PCK2: variants seen among roughly 807,000 people sequenced by gnomAD.
The protein encoded by PCK2 is phosphoenolpyruvate carboxykinase [GTP], mitochondrial.
PCK2 carries 56 observed loss-of-function variants against 65.9 expected under a neutral mutation model. The ratio of observed to expected loss-of-function variants is 0.85; its 90% confidence interval spans 0.69 to 1.06. The LOEUF (loss-of-function observed/expected upper bound fraction) is 1.06. Ranked by LOEUF, PCK2 falls within the 50% of genes least tolerant of loss-of-function variation. The probability of loss-of-function intolerance (pLI) is 0.00; values close to 1 mark genes in which losing one functional copy is unlikely to be tolerated. For synonymous variants in PCK2, 305 were observed against 319.6 expected (o/e 0.95, Z 0.49); for missense variants, 843 against 863.1 (o/e 0.98, Z 0.29).
Position 24,098,520 on chromosome 14 carries a change from C to A in PCK2, c.506C>A (p.Ser169Tyr). Residue 169 changes from serine to tyrosine, a missense_variant, in exon 4 of 10, where the codon TCC becomes TAC. Physicochemically the swap from Ser to Tyr is moderately radical, Grantham distance 144. Transcript: ENST00000216780. Reference sequence around the variant, plus strand: ...CCATTCAGCATGGGTCCTGTGGGCTCCCCGCTGTCCCGCATCGGGGTGCAG... The same window carrying A: ...CCATTCAGCATGGGTCCTGTGGGCTACCCGCTGTCCCGCATCGGGGTGCAG... The part of the protein sequence containing the change: ...VLPFSMGPVG[S>Y]PLSRIGVQLT... The A allele has an allele frequency of 6.2e-7, 1 of 1,614,120 alleles. No homozygotes were observed. Among genetic ancestry groups the A allele is most frequent in the Non-Finnish European group, 8.5e-7 (1 of 1,179,996 alleles).
At position 24,099,551 on chromosome 14, in the gene PCK2, T is replaced by C. The variant is rs368665839; in HGVS notation, c.853-7T>C. On this transcript the variant is annotated splice_polypyrimidine_tract_variant and splice_region_variant and intron_variant, in intron 5 of 9. Coordinates refer to ENST00000216780, the MANE Select transcript of PCK2 (RefSeq NM_004563.4). ...TCTTTCTTATTCCCTCTCTCCCCAA[T>C]GCACAGATCCTGGGCATCACCAGCC... 2 of 1,578,368 alleles carry C rather than the reference T, an allele frequency of 1.3e-6. No homozygotes were observed. The highest frequency in any genetic ancestry group is 2.7e-5 in the African/African-American group (2 of 73,902).
At chr14:24,095,491 T>G in intron 1 of PCK2, 1 of 309,728 alleles carries the variant, frequency 3.2e-6, no homozygotes, top group Non-Finnish European at 6.6e-6. Context: ...GTATCCATGC[T>G]CTGAGCTTTC....
chr14:24,096,074 G>T (rs2036863456), intron 1 of PCK2, among the ~76,000 whole-genome samples: 1 of 151,852 alleles, frequency 6.6e-6, no homozygotes, highest in Non-Finnish European at 1.5e-5. Context: ...CACACCAGAA[G>T]GAAAGAATAA....
In PCK2 at chr14:24,098,276, C is replaced by T. The variant is rs778125092; in HGVS notation, c.349C>T (p.Arg117Trp). ...SKTVIVTPSQRDTVPLPPGGA... is the reference protein window; with the variant it reads ...SKTVIVTPSQWDTVPLPPGGA... The stretch of plus-strand genomic sequence containing the variant: ...GACGGTGATTGTAACTCCTTCTCAG[C>T]GGGACACGGTACCACTCCCGCCTGG... Residue 117 changes from arginine (R) to tryptophan (W), a missense_variant, in exon 3 of 10, where the codon CGG becomes TGG. By Grantham distance (101) the Arg-to-Trp change is moderately radical (BLOSUM62 -3). Transcript: ENST00000216780. The T allele has an allele frequency of 1.5e-5, 24 of 1,613,908 alleles. No individual in the cohort carries two copies. Among genetic ancestry groups the T allele is most frequent in the East Asian group, 4.5e-5 (2 of 44,884 alleles).
chr14:24,100,485 G>A, intron 7 of PCK2: 2 of 799,104 alleles, frequency 2.5e-6, no homozygotes, highest in East Asian at 3.0e-5. Context: ...CCTATCTCAT[G>A]AGATTGTTGG....
Position 24,094,486 on chromosome 14 carries a change from C to G in PCK2, c.29+52C>G. The G allele has an allele frequency of 6.7e-7, 1 of 1,485,338 alleles. No homozygotes were observed. The highest frequency in any genetic ancestry group is 8.9e-7 in the Non-Finnish European group (1 of 1,125,042). 92.0% of individuals were successfully genotyped at this position (1,485,338 alleles called of 1,614,324 possible). On this transcript the variant is annotated intron_variant, in intron 1 of 9. Transcript: ENST00000216780. This position sits in a 1 kb window ranked among gnomAD's most constrained non-coding sequence, Gnocchi z 4.1. ...CCCGCACCTTCCGCTGCGCTCGCCC[C>G]CTCGGGGCTGCCAGTGGCGCTCTCC...
rs777117778 is a variant in PCK2 at position 24,096,936 on chromosome 14, G to C, written c.74G>C (p.Arg25Pro). ...GLSPLGWPSC[R>P]SIQTLRVLSG... ...AGCCCCTTGGGCTGGCCATCATGCC[G>C]TAGCATCCAGACCCTGCGAGTGCTT... Residue 25 changes from arginine to proline, a missense_variant, in exon 2 of 10, where the codon CGT (arginine) becomes CCT (proline). By Grantham distance (103) the Arg-to-Pro change is moderately radical. Transcript: ENST00000216780. 2.5e-6 allele frequency: 4 copies of C among 1,613,398 alleles called. No homozygotes were observed. In the East Asian group the frequency reaches 6.7e-5, roughly 27 times the overall value.
intron 2 of PCK2, among the ~76,000 whole-genome samples, chr14:24,097,794 A>G (rs1473027332): frequency 1.3e-5 from 2 of 152,076 alleles, no homozygotes; most frequent in Non-Finnish European, 2.9e-5. Context: ...GGGTTTCACC[A>G]TGTTGGCCAG....
rs1276816763 is a variant in PCK2, at chr14:24,094,499, A to G, written c.29+65A>G. The G allele has an allele frequency of 6.8e-6, 10 of 1,473,088 alleles. No individual in the cohort carries two copies. The highest frequency in any genetic ancestry group is 8.9e-6 in the Non-Finnish European group (10 of 1,119,666). The allele number at this position is 1,473,088 out of a possible 1,614,324, so 91.3% of individuals were successfully genotyped here. ...CTGCGCTCGCCCCCTCGGGGCTGCC[A>G]GTGGCGCTCTCCTGCTCTCAGCCTC... On this transcript the variant is annotated intron_variant, in intron 1 of 9. Transcript: ENST00000216780. This position sits in a 1 kb window ranked among gnomAD's most constrained non-coding sequence, Gnocchi z 4.1.
intron 1 of PCK2, among the ~76,000 whole-genome samples, chr14:24,096,176 C>T (rs2036869287): frequency 6.6e-6 from 1 of 151,676 alleles, no homozygotes; most frequent in Non-Finnish European, 1.5e-5. Flanking sequence ...GAAATTGTCA[C>T]CTGGGCCCAA....
In PCK2 at chr14:24,094,473, G is replaced by C; in HGVS notation, c.29+39G>C. Reference sequence around the variant, plus strand: ...GGCCCGGGGCCCACCCGCACCTTCCGCTGCGCTCGCCCCCTCGGGGCTGCC... The same window carrying C: ...GGCCCGGGGCCCACCCGCACCTTCCCCTGCGCTCGCCCCCTCGGGGCTGCC... On this transcript the variant is annotated intron_variant, in intron 1 of 9. Coordinates refer to ENST00000216780, the MANE Select transcript of PCK2 (RefSeq NM_004563.4). This position sits in a 1 kb window ranked among gnomAD's most constrained non-coding sequence, Gnocchi z 4.1. 2 of 1,499,728 alleles carry C rather than the reference G, an allele frequency of 1.3e-6. No individual in the cohort carries two copies. The highest frequency in any genetic ancestry group is 1.8e-6 in the Non-Finnish European group (2 of 1,131,682). 92.9% of individuals were successfully genotyped at this position (1,499,728 alleles called of 1,614,324 possible).
intron 9 of PCK2, 72 bp downstream of exon 9, chr14:24,103,327 A>G: frequency 9.0e-6 from 12 of 1,333,862 alleles, no homozygotes; most frequent in Non-Finnish European, 1.3e-5. Context: ...CCTGAGCCAG[A>G]CCTTCCTTTT....
Position 24,103,809 on chromosome 14 carries a change from A to G in PCK2, c.1768A>G (p.Ile590Val), listed in dbSNP as rs151126863. The change falls in exon 10 of 10, where the codon ATA becomes GTA. Residue 590 changes from isoleucine (I) to valine (V), a missense_variant. By Grantham distance (29) the Ile-to-Val change is conservative. Transcript: ENST00000216780. ...CTTGGATCTCAGCGGCCTCAGAGCT[A>G]TAGACACCACTCAGCTGTTCTCCCT... ...GALDLSGLRA[I>V]DTTQLFSLPK... The G allele has an allele frequency of 6.8e-5, 110 of 1,614,160 alleles. No homozygotes were observed. The African/African-American group carries it at 1.4e-3, about 20-fold the overall frequency.
rs1206347838 is a variant in PCK2, at chr14:24,099,060, A to G, written c.676A>G (p.Ser226Gly). 2 of 1,600,990 alleles carry G rather than the reference A, an allele frequency of 1.2e-6. No homozygotes were observed. Among genetic ancestry groups the G allele is most frequent in the Non-Finnish European group, 1.7e-6 (2 of 1,170,080 alleles). The change falls in exon 5 of 10, where the codon AGC (serine) becomes GGC (glycine). Residue 226 changes from serine (S) to glycine (G), a missense_variant. Transcript: ENST00000216780. ...QPLTGQGEPV[S>G]QWPCNPEKTL... The stretch of plus-strand genomic sequence containing the variant: ...CCCATTGTCCCCAGGGGAGCCAGTG[A>G]GCCAGTGGCCGTGCAACCCAGAGAA...
chr14:24,100,254 C>T (rs2037108777), intron 7 of PCK2, 41 bp downstream of exon 7: 6 of 1,607,204 alleles, frequency 3.7e-6, no homozygotes, highest in Non-Finnish European at 5.1e-6. Context: ...CTCCAGGCCT[C>T]AGCACCTTAA....
chr14:24,094,437 G>A lies in PCK2; in HGVS notation c.29+3G>A, dbSNP rs766642511. 1.9e-6 allele frequency: 3 copies of A among 1,546,164 alleles called. No individual in the cohort carries two copies. Among genetic ancestry groups the A allele is most frequent in the East Asian group, 2.5e-5 (1 of 40,800 alleles). ...GCATTGTACCGCCCTGGCCTGCGGT[G>A]AGTGACCCCCGGCCCGGGGCCCACC... On this transcript the variant is annotated splice_donor_region_variant and intron_variant, in intron 1 of 9. Transcript: ENST00000216780. This position sits in a 1 kb window ranked among gnomAD's most constrained non-coding sequence, Gnocchi z 4.1.
intron 6 of PCK2, 131 bp downstream of exon 6, chr14:24,099,851 C>G: frequency 1.3e-6 from 2 of 1,542,532 alleles, no homozygotes; most frequent in South Asian, 2.2e-5. Context: ...ATTCCTCTGG[C>G]AGCCCAGCCA....
At position 24,094,665 on chromosome 14, in the gene PCK2, C is replaced by A; in HGVS notation, c.29+231C>A. Reference sequence around the variant, plus strand: ...ACCTCCCCTTCTCTGCCTCGCTCGCCTCTGACCGCGCGATCTCTATCTGCC... The same window carrying A: ...ACCTCCCCTTCTCTGCCTCGCTCGCATCTGACCGCGCGATCTCTATCTGCC... On this transcript the variant is annotated intron_variant, in intron 1 of 9. Coordinates refer to ENST00000216780, the MANE Select transcript of PCK2 (RefSeq NM_004563.4). This position sits in a 1 kb window ranked among gnomAD's most constrained non-coding sequence, Gnocchi z 4.1. 1 of 1,513,456 alleles carries A rather than the reference C, an allele frequency of 6.6e-7. No homozygotes were observed. The allele number at this position is 1,513,456 out of a possible 1,614,324, so 93.8% of individuals were successfully genotyped here.
At position 24,098,700 on chromosome 14, in the gene PCK2, AG is replaced by A; in HGVS notation, c.664+26del. The A allele has an allele frequency of 3.1e-6, 5 of 1,599,776 alleles. 1 individual carries two copies. The highest frequency in any genetic ancestry group is 3.4e-6 in the Non-Finnish European group (4 of 1,168,586). Reference sequence around the variant, plus strand: ...CAAGGTAAGCACCTGCTCTGCCCCAAGGGGAACACAGAGGCCTTCTTGTACT... The same window carrying A: ...CAAGGTAAGCACCTGCTCTGCCCCAAGGGAACACAGAGGCCTTCTTGTACT... On this transcript the variant is annotated intron_variant, in intron 4 of 9. Coordinates refer to ENST00000216780, the MANE Select transcript of PCK2 (RefSeq NM_004563.4).
Sources: allele counts gnomAD v4.1 joint callset (sites outside exome capture counted in the v4.1 genomes callset), GRCh38; gene constraint gnomAD v4.1.1; non-coding constraint Gnocchi (gnomAD v3.1); transcripts MANE v1.5; gene names NCBI Gene and HGNC (gene_info 2026-07-23, HGNC 2026-07-21).